NBPF12: variants seen among roughly 807,000 people sequenced by gnomAD.
NBPF12 encodes NBPF member 12.
In NBPF12, 115 loss-of-function variants were observed where a neutral mutation model predicts 146.4. The observed-to-expected ratio is 0.79, with a 90% confidence interval of 0.68 to 0.92. The LOEUF (loss-of-function observed/expected upper bound fraction) is 0.92, where lower values mean the gene tolerates loss of function less well. NBPF12 is among the 40% of genes least tolerant of loss of function. The pLI, the probability that NBPF12 is intolerant of heterozygous loss-of-function variation, is 0.00. For synonymous variants in NBPF12, 385 were observed against 508.9 expected (o/e 0.76, Z 3.28); for missense variants, 1,205 against 1,326.8 (o/e 0.91, Z 1.43).
At chr1:146,959,085 A>G (rs1655721429) in intron 2 of NBPF12, among the ~76,000 whole-genome samples, 1 of 95,340 alleles carries the variant, frequency 1.0e-5, no homozygotes, top group African/African-American at 3.7e-5. Flanking sequence ...AAATTGTGTG[A>G]TAATCATACA....
intron 2 of NBPF12, among the ~76,000 whole-genome samples, chr1:146,955,658 T>C (rs1655550437): frequency 1.3e-5 from 2 of 148,230 alleles, no homozygotes; most frequent in Admixed American, 1.3e-4. Context: ...CTTCTTTTAA[T>C]CTATAACTAA....
chr1:146,938,591 G>A (rs1220189549), upstream of NBPF12, among the ~76,000 whole-genome samples: 1 of 151,972 alleles, frequency 6.6e-6, no homozygotes, highest in Admixed American at 6.5e-5. Flanking sequence ...GTGCGGTAGA[G>A]GCAGCCGGGT....
chr1:146,939,075 T>C (rs1332667966), intron 1 of NBPF12, 63 bp downstream of exon 1: 2 of 152,208 alleles, frequency 1.3e-5, no homozygotes, highest in Non-Finnish European at 2.9e-5. Flanking sequence ...CCGCCGCAAG[T>C]TTTGTTACGC....
At chr1:146,976,780 C>T (rs2101892695) in intron 16 of NBPF12, 149 bp from the exon 20 acceptor site, 1 of 575,806 alleles carries the variant, frequency 1.7e-6, no homozygotes, top group East Asian at 3.0e-5. Context: ...GAAACCATGC[C>T]AGGGCATTCT....
intron 1 of NBPF12, among the ~76,000 whole-genome samples, chr1:146,939,778 T>G (rs1427984323): frequency 6.6e-6 from 1 of 151,894 alleles, no homozygotes; most frequent in African/African-American, 2.4e-5. Context: ...GGTCAGGAGA[T>G]TGAGACCATC....
At chr1:146,966,609 C>T (rs1656228797) in exon 9 of NBPF12, 1 of 1,500,464 alleles carries the variant, frequency 6.7e-7, no homozygotes, top group African/African-American at 1.4e-5. Flanking sequence ...AGTTCAGAAG[C>T]CTCAAAGAGA....
chr1:146,975,511 A>C (rs1165119066), intron 15 of NBPF12, among the ~76,000 whole-genome samples, 166 bp from the exon 19 acceptor site: 1 of 147,594 alleles, frequency 6.8e-6, no homozygotes, highest in Admixed American at 6.7e-5. Flanking sequence ...AAGCCTGTAA[A>C]CCATTTTCTA....
At chr1:146,966,885 A>G (rs1397018975) in intron 9 of NBPF12, among the ~76,000 whole-genome samples, 6 of 150,126 alleles carry the variant, frequency 4.0e-5, no homozygotes, top group African/African-American at 1.5e-4. Flanking sequence ...TGGGGGTGGG[A>G]CTAGAGTTAA....
At chr1:146,971,362 A>G (rs1656599681) in exon 13 of NBPF12, 11 of 1,611,630 alleles carry the variant, frequency 6.8e-6, no homozygotes, top group South Asian at 4.4e-5. Flanking sequence ...TCCTCTCATG[A>G]TGAATGTCAG....
chr1:146,970,798 A>T (rs1303842232), intron 12 of NBPF12, 79 bp downstream of exon 15: 1 of 1,188,038 alleles, frequency 8.4e-7, no homozygotes, highest in Non-Finnish European at 1.3e-6. Flanking sequence ...TCTGGCATCT[A>T]TGATGGGCCA....
At chr1:146,938,376 C>G (rs1249746177), upstream of NBPF12, among the ~76,000 whole-genome samples, 1 of 152,066 alleles carries the variant, frequency 6.6e-6, no homozygotes, top group African/African-American at 2.4e-5. Flanking sequence ...GTCCTAAAGG[C>G]GGGGTCGCTC....
At chr1:146,974,181 A>G (rs2101886140) in intron 14 of NBPF12, among the ~76,000 whole-genome samples, 2 of 149,192 alleles carry the variant, frequency 1.3e-5, no homozygotes, top group Non-Finnish European at 2.9e-5. Context: ...GCATTTGGGC[A>G]TAGGATTTCC....
In NBPF12 at chr1:146,964,880, C is replaced by G; in HGVS notation, c.567-13C>G. 1 of 1,560,886 alleles carries G rather than the reference C, an allele frequency of 6.4e-7. No individual in the cohort carries two copies. The highest frequency in any genetic ancestry group is 2.2e-5 in the East Asian group (1 of 44,664). ...TTAATCTTCTGTCATCTCTGTCCCA[C>G]CTGGCTCATCAGGGAGGTGCAGAAG... On this transcript the variant is annotated splice_polypyrimidine_tract_variant and intron_variant, in intron 7 of 33. Transcript: ENST00000617844.
At chr1:146,941,583 G>C (rs1436312285) in intron 1 of NBPF12, among the ~76,000 whole-genome samples, 1 of 142,152 alleles carries the variant, frequency 7.0e-6, no homozygotes, top group African/African-American at 2.6e-5. Flanking sequence ...GTGAAACCCC[G>C]TCTCTACTAA....
chr1:146,984,782 G>C, intron 21 of NBPF12, 31 bp from the exon 25 acceptor site: 4 of 1,123,028 alleles, frequency 3.6e-6, no homozygotes, highest in Non-Finnish European at 4.1e-6. Context: ...ATTCCCCCTG[G>C]CTTATTCTTT....
chr1:146,939,186 C>T (rs1397812145), intron 1 of NBPF12, among the ~76,000 whole-genome samples, 174 bp downstream of exon 1: 1 of 151,996 alleles, frequency 6.6e-6, no homozygotes, highest in Non-Finnish European at 1.5e-5. Context: ...AGCCCACAGC[C>T]CTCCTCTCGT....
chr1:146,950,149 T>C (rs1655266414), intron 1 of NBPF12, among the ~76,000 whole-genome samples: 2 of 152,070 alleles, frequency 1.3e-5, no homozygotes, highest in South Asian at 2.1e-4. Context: ...CAAAGTGCAT[T>C]TACCCTCTCC....
At chr1:146,971,593 C>T (rs1453920035) in intron 13 of NBPF12, among the ~76,000 whole-genome samples, 199 bp downstream of exon 16, 1 of 145,936 alleles carries the variant, frequency 6.9e-6, no homozygotes, top group African/African-American at 2.6e-5. Flanking sequence ...AGTTGAAGAC[C>T]AGCCTGGAGT....
upstream of NBPF12, among the ~76,000 whole-genome samples, chr1:146,944,906 CCCTT>C (rs1330786463): frequency 8.4e-6 from 1 of 119,216 alleles, no homozygotes; most frequent in African/African-American, 3.4e-5. Flanking sequence ...CTTTCTTCCT[CCCTT>C]CCTCCCTCCC....
Sources: gnomAD v4.1 joint callset for allele counts (sites outside exome capture counted in the v4.1 genomes callset) on GRCh38, gnomAD v4.1.1 for gene constraint, MANE v1.5 for transcripts, NCBI Gene and HGNC (gene_info 2026-07-23, HGNC 2026-07-21) for gene names.